The following DCAF8 variants were observed in gnomAD, a reference collection of about 807,000 sequenced individuals.
DCAF8 encodes DDB1- and CUL4-associated factor 8.
Under a neutral mutation model 68.0 loss-of-function variants are expected in DCAF8, and 20 were observed. That is an observed-to-expected ratio of 0.29 (90% CI 0.21 to 0.43). The LOEUF is 0.43. DCAF8 is among the 20% of genes least tolerant of loss of function. The pLI, the probability that DCAF8 is intolerant of heterozygous loss-of-function variation, is 1.00. For missense variants in DCAF8, 460 were observed against 771.0 expected, an observed-to-expected ratio of 0.60 and a Z score of 4.78; for synonymous variants, 230 against 276.9, an observed-to-expected ratio of 0.83 and a Z score of 1.68.
intron 2 of DCAF8, among the ~76,000 whole-genome samples, chr1:160,252,668 T>G (rs369279952): frequency 6.6e-6 from 1 of 152,176 alleles, no homozygotes; most frequent in African/African-American, 2.4e-5. Context: ...GTTTAAAAGC[T>G]ATTATAGTTG....
At chr1:160,255,759 A>G (rs1173083482) in intron 2 of DCAF8, among the ~76,000 whole-genome samples, 2 of 152,064 alleles carry the variant, frequency 1.3e-5, no homozygotes, top group African/African-American at 4.8e-5. Flanking sequence ...AGCTGGGACT[A>G]CAGGTGCATG....
intron 2 of DCAF8, among the ~76,000 whole-genome samples, chr1:160,252,292 T>G (rs964192216): frequency 4.6e-5 from 7 of 152,246 alleles, no homozygotes; most frequent in African/African-American, 1.7e-4. Flanking sequence ...TTTAAAAAGA[T>G]AAATAGAATG....
intron 2 of DCAF8, among the ~76,000 whole-genome samples, chr1:160,251,165 C>T (rs1238562639): frequency 1.3e-5 from 2 of 152,090 alleles, no homozygotes; most frequent in African/African-American, 4.8e-5. Context: ...TAAGAAAATA[C>T]TTCAATTATT....
chr1:160,228,173 A>G (rs1655543967), intron 7 of DCAF8, among the ~76,000 whole-genome samples: 1 of 150,444 alleles, frequency 6.6e-6, no homozygotes, highest in African/African-American at 2.5e-5. Flanking sequence ...GCTATCCTCC[A>G]GCTTTGGCCT....
intron 6 of DCAF8, among the ~76,000 whole-genome samples, chr1:160,234,078 A>T (rs1655785457): frequency 2.0e-5 from 3 of 152,174 alleles, no homozygotes; most frequent in Non-Finnish European, 4.4e-5. Context: ...GGTTCAAATC[A>T]AACTTTTTTC....
In DCAF8 at chr1:160,217,802, G is replaced by A; in HGVS notation, c.1678-94C>T. ...CAGAATTTAGATGCTTTAGGCCAGA[G>A]ATCAGCAGAATTTTTCTTAAAGGGC... is the stretch of plus-strand genomic sequence containing the variant. On this transcript the variant is annotated intron_variant, in intron 13 of 13. Transcript: ENST00000368074. 4 of 945,168 alleles carry A rather than the reference G, an allele frequency of 4.2e-6. No homozygotes were observed. In the South Asian group the frequency reaches 6.0e-5, roughly 14 times the overall value. 58.5% of individuals were successfully genotyped at this position (945,168 alleles called of 1,614,324 possible).
intron 11 of DCAF8, 174 bp from the exon 12 acceptor site, chr1:160,219,142 A>T (rs1655217358): frequency 2.6e-6 from 2 of 771,556 alleles, no homozygotes; most frequent in African/African-American, 3.5e-5. Context: ...TAGAGAAACC[A>T]GACACAGACT....
At chr1:160,224,398 A>C (rs1655399843) in intron 10 of DCAF8, 44 bp downstream of exon 10, 1 of 1,485,864 alleles carries the variant, frequency 6.7e-7, no homozygotes, top group Non-Finnish European at 9.4e-7. Flanking sequence ...GGTTCTCCAA[A>C]GCCAACAGGC....
intron 13 of DCAF8, 87 bp downstream of exon 13, chr1:160,218,237 A>G: frequency 1.0e-6 from 1 of 974,694 alleles, no homozygotes; most frequent in South Asian, 1.3e-5. Flanking sequence ...AGATCACCTG[A>G]TTACTGCTTG....
intron 2 of DCAF8, among the ~76,000 whole-genome samples, chr1:160,249,355 T>C (rs953311337): frequency 2.6e-5 from 4 of 152,214 alleles, no homozygotes; most frequent in African/African-American, 9.6e-5. Context: ...TATTAAGTAC[T>C]AACAAGAAGT....
intron 2 of DCAF8, among the ~76,000 whole-genome samples, chr1:160,253,801 G>A (rs1457740221): frequency 6.6e-6 from 1 of 151,946 alleles, no homozygotes; most frequent in Non-Finnish European, 1.5e-5. Flanking sequence ...ACTCCAGCCT[G>A]GGTGACAGAG....
At position 160,239,921 on chromosome 1, in the gene DCAF8, C is replaced by T. The variant is rs539129422; in HGVS notation, c.499G>A (p.Ala167Thr). 1 of 1,614,130 alleles carries T rather than the reference C, an allele frequency of 6.2e-7. No individual in the cohort carries two copies. The highest frequency in any genetic ancestry group is 1.3e-5 in the African/African-American group (1 of 74,924). Residue 167 changes from alanine to threonine, a missense_variant, in exon 4 of 14, where the codon GCC (alanine) becomes ACC (threonine). This residue lies in a region of DCAF8 where 170 missense variants were observed against 318.2 expected (regional missense o/e 0.53). Coordinates refer to ENST00000368074, the MANE Select transcript of DCAF8 (RefSeq NM_015726.4). ...CCACAGGCCTCATAGACAAAGCGGG[C>T]ACTTGAACCCAGCTCCCGCTCCCGA... ...ALRERELGSS[A>T]RFVYEACGAR...
intron 7 of DCAF8, among the ~76,000 whole-genome samples, chr1:160,226,634 A>C (rs16831636): frequency 0.034 from 5,106 of 152,180 alleles, 289 homozygotes; most frequent in African/African-American, 0.12. Context: ...CTTCCTCATC[A>C]CCAGCTGGCC....
rs748728412 is a variant in DCAF8, at chr1:160,231,424, G to T, written c.960-17C>A. ...ACCAGTTTCCTTTAAGAGTAGAAAA[G>T]CACAGAAAGTTATATACTCCAAAAG... On this transcript the variant is annotated splice_polypyrimidine_tract_variant and intron_variant, in intron 6 of 13. Transcript: ENST00000368074. 6.3e-7 allele frequency: 1 copy of T among 1,593,446 alleles called. No individual in the cohort carries two copies. Among genetic ancestry groups the T allele is most frequent in the East Asian group, 2.2e-5 (1 of 44,770 alleles).
chr1:160,247,565 T>C (rs1177381670), intron 2 of DCAF8, among the ~76,000 whole-genome samples: 2 of 152,212 alleles, frequency 1.3e-5, no homozygotes, highest in Non-Finnish European at 2.9e-5. Context: ...CGGTGTATCC[T>C]CTTACCCAAA....
chr1:160,220,555 T>C (rs1461965256), intron 11 of DCAF8: 1 of 152,194 alleles, frequency 6.6e-6, no homozygotes, highest in Non-Finnish European at 1.5e-5. Context: ...ACTTATCCTG[T>C]CAATAATGCC....
rs148918295 is a variant in DCAF8, at chr1:160,259,469, G to T, written c.-27+1816C>A. ...AATCGCTTGAACCAGGGAGTCGGAG[G>T]TTGCAGTGGGCTGAGATCGCGCCAC... On this transcript the variant is annotated intron_variant, in intron 2 of 13. Transcript: ENST00000368074. Among the ~76,000 whole-genome samples, 778 of 152,206 alleles carry T rather than the reference G, an allele frequency of 5.1e-3. 1 individual carries two copies. Among genetic ancestry groups the T allele is most frequent in the Non-Finnish European group, 8.6e-3 (582 of 68,022 alleles).
chr1:160,229,389 T>C (rs1366130469), intron 7 of DCAF8, among the ~76,000 whole-genome samples: 2 of 152,166 alleles, frequency 1.3e-5, no homozygotes, highest in African/African-American at 2.4e-5. Context: ...TTTGAGTATT[T>C]CTCCTTGTGT....
In DCAF8 at chr1:160,226,213, A is replaced by G. The variant is rs558612438; in HGVS notation, c.1071-550T>C. Among the ~76,000 whole-genome samples, 4 of 152,294 alleles carry G rather than the reference A, an allele frequency of 2.6e-5. No homozygotes were observed. In the East Asian group the frequency reaches 7.7e-4, roughly 29 times the overall value. On this transcript the variant is annotated intron_variant, in intron 7 of 13. Transcript: ENST00000368074. ...TTAGTATGGAGCTTTTTACATGTAC[A>G]TTACCTACCGAAAAAGGTTACTCAC...
Sources: allele counts gnomAD v4.1 joint callset (sites outside exome capture counted in the v4.1 genomes callset), GRCh38; gene constraint gnomAD v4.1.1; regional missense constraint gnomAD v4.1.1; transcripts MANE v1.5; gene names NCBI Gene and HGNC (gene_info 2026-07-23, HGNC 2026-07-21).